The following ZDHHC14 variants were observed in gnomAD, a reference collection of about 807,000 sequenced individuals.
ZDHHC14 encodes the protein zDHHC palmitoyltransferase 14.
Under a neutral mutation model 47.7 loss-of-function variants are expected in ZDHHC14, and 16 were observed. The ratio of observed to expected loss-of-function variants is 0.34; its 90% CI spans 0.23 to 0.51. The LOEUF is 0.51. Ranked by LOEUF, ZDHHC14 falls within the 20% of genes least tolerant of loss-of-function variation. The pLI is 0.97. For synonymous variants in ZDHHC14, 293 were observed against 278.9 expected (o/e 1.05, Z -0.50); for missense variants, 515 against 662.5 (o/e 0.78, Z 2.44).
chr6:157,512,302 G>C (rs1157907172), intron 1 of ZDHHC14, among the ~76,000 whole-genome samples: 1 of 152,220 alleles, frequency 6.6e-6, no homozygotes, highest in African/African-American at 2.4e-5. Context: ...GCCCTCTGTA[G>C]GGCTGACTTG....
intron 2 of ZDHHC14, among the ~76,000 whole-genome samples, chr6:157,592,024 C>G (rs1015628214): frequency 6.6e-6 from 1 of 152,064 alleles, no homozygotes; most frequent in Non-Finnish European, 1.5e-5. Context: ...CTAACTTCTT[C>G]TTGGCAAGGC....
At chr6:157,455,781 A>G (rs531949799) in intron 1 of ZDHHC14, among the ~76,000 whole-genome samples, 10 of 152,336 alleles carry the variant, frequency 6.6e-5, no homozygotes, top group Admixed American at 2.0e-4. Flanking sequence ...TAGAAGGAAA[A>G]CGACTGTAGA....
At chr6:157,579,581 C>A (rs1783443270) in intron 2 of ZDHHC14, among the ~76,000 whole-genome samples, 1 of 152,108 alleles carries the variant, frequency 6.6e-6, no homozygotes. Flanking sequence ...TTTTGTAACT[C>A]TTATCGTAGA....
At chr6:157,487,491 C>G (rs1299440080) in intron 1 of ZDHHC14, among the ~76,000 whole-genome samples, 1 of 152,160 alleles carries the variant, frequency 6.6e-6, no homozygotes, top group Admixed American at 6.5e-5. Flanking sequence ...CACTACATGC[C>G]CTTGGTGAGC....
At chr6:157,561,621 G>T (rs1210643694) in intron 2 of ZDHHC14, among the ~76,000 whole-genome samples, 1 of 152,192 alleles carries the variant, frequency 6.6e-6, no homozygotes, top group East Asian at 1.9e-4. Context: ...ACCTGGCACA[G>T]AGCAGGTGCT....
chr6:157,551,560 T>C (rs955837989), intron 2 of ZDHHC14, among the ~76,000 whole-genome samples: 1 of 152,366 alleles, frequency 6.6e-6, no homozygotes, highest in Admixed American at 6.5e-5. Flanking sequence ...ATGCAGACTC[T>C]TGGGCCCTGA....
intron 1 of ZDHHC14, among the ~76,000 whole-genome samples, chr6:157,531,468 A>G (rs532750550): frequency 4.3e-4 from 64 of 149,776 alleles, no homozygotes; most frequent in African/African-American, 1.4e-3. Flanking sequence ...TGCCTCTGAC[A>G]CCCCCTCCAG....
chr6:157,462,465 T>G (rs1481173404), intron 1 of ZDHHC14, among the ~76,000 whole-genome samples: 2 of 152,208 alleles, frequency 1.3e-5, no homozygotes, highest in Admixed American at 1.3e-4. Flanking sequence ...CTCTTTGTTG[T>G]CATGGGGCTG....
chr6:157,557,395 A>G (rs1782520329), intron 2 of ZDHHC14, among the ~76,000 whole-genome samples: 1 of 152,280 alleles, frequency 6.6e-6, no homozygotes, highest in South Asian at 2.1e-4. Context: ...GATAGAAGGG[A>G]AAAGAAACTT....
chr6:157,573,963 G>A (rs201220523), intron 2 of ZDHHC14, among the ~76,000 whole-genome samples: 1 of 151,874 alleles, frequency 6.6e-6, no homozygotes, highest in South Asian at 2.1e-4. Context: ...CTCGGGGTCG[G>A]GGGGGAAGTT....
intron 2 of ZDHHC14, among the ~76,000 whole-genome samples, chr6:157,554,113 G>A (rs1276085235): frequency 1.3e-5 from 2 of 152,242 alleles, no homozygotes; most frequent in African/African-American, 2.4e-5. Flanking sequence ...GTGGGTGAAT[G>A]CCATGTTACA....
At chr6:157,573,986 G>A (rs556271955) in intron 2 of ZDHHC14, among the ~76,000 whole-genome samples, 1 of 152,122 alleles carries the variant, frequency 6.6e-6, no homozygotes, top group Non-Finnish European at 1.5e-5. Context: ...TTGCTCTTAG[G>A]TTCCTAGGGC....
chr6:157,613,346 T>A (rs982187240), intron 3 of ZDHHC14, among the ~76,000 whole-genome samples: 7 of 152,240 alleles, frequency 4.6e-5, no homozygotes, highest in African/African-American at 1.4e-4. Flanking sequence ...TGATACTTTC[T>A]ATTTTATTGT....
At chr6:157,591,392 C>T (rs1175984635) in intron 2 of ZDHHC14, among the ~76,000 whole-genome samples, 2 of 152,130 alleles carry the variant, frequency 1.3e-5, no homozygotes, top group African/African-American at 2.4e-5. Flanking sequence ...CAGTTACCCC[C>T]ATGCTGTTCT....
intron 2 of ZDHHC14, among the ~76,000 whole-genome samples, chr6:157,563,949 G>A (rs1782807420): frequency 6.6e-6 from 1 of 152,226 alleles, no homozygotes; most frequent in South Asian, 2.1e-4. Flanking sequence ...GCTCCCTAAG[G>A]GGGAACCCCT....
intron 1 of ZDHHC14, among the ~76,000 whole-genome samples, chr6:157,419,720 C>G (rs1186189228): frequency 1.3e-5 from 2 of 152,172 alleles, no homozygotes; most frequent in African/African-American, 4.8e-5. Context: ...CGAAGGACAT[C>G]TTGGTTGCTT....
At chr6:157,484,116 G>A (rs148901358) in intron 1 of ZDHHC14, among the ~76,000 whole-genome samples, 1,612 of 151,714 alleles carry the variant, frequency 0.011, 13 homozygotes, top group Non-Finnish European at 0.016. Context: ...CACAAAGAGG[G>A]GAACAATAGA....
intron 3 of ZDHHC14, among the ~76,000 whole-genome samples, chr6:157,625,434 G>A (rs994614168): frequency 2.0e-5 from 3 of 152,230 alleles, no homozygotes; most frequent in East Asian, 1.9e-4. Context: ...GTGAGAGGCC[G>A]CCGTTTTGGA....
intron 8 of ZDHHC14, among the ~76,000 whole-genome samples, chr6:157,654,983 C>T (rs1461766052): frequency 1.3e-5 from 2 of 152,160 alleles, no homozygotes; most frequent in African/African-American, 2.4e-5. Flanking sequence ...GATCCACCTG[C>T]CTCGGCCTCC....
Sources: allele counts gnomAD v4.1 joint callset (sites outside exome capture counted in the v4.1 genomes callset), GRCh38; gene constraint gnomAD v4.1.1; transcripts MANE v1.5; gene names NCBI Gene and HGNC (gene_info 2026-07-23, HGNC 2026-07-21).